THBS4: variants seen among roughly 807,000 people sequenced by gnomAD.
The protein encoded by THBS4 is thrombospondin-4.
A neutral mutation model predicts 115.7 loss-of-function variants in THBS4; 90 were observed. That is an observed-to-expected ratio of 0.78 (90% CI 0.66 to 0.93). THBS4 has a LOEUF of 0.93. THBS4 is among the 40% of genes least tolerant of loss of function. The pLI is 0.00. For missense variants in THBS4, 1,087 were observed against 1,232.7 expected, an observed-to-expected ratio of 0.88 and a Z score of 1.77; for synonymous variants, 460 against 479.3, an observed-to-expected ratio of 0.96 and a Z score of 0.53.
At chr5:80,006,056 T>G (rs1159184959) in intron 2 of THBS4, among the ~76,000 whole-genome samples, 1 of 152,206 alleles carries the variant, frequency 6.6e-6, no homozygotes, top group Non-Finnish European at 1.5e-5. Flanking sequence ...TGAACCACCA[T>G]GCCCGGCCTG....
Position 80,035,487 on chromosome 5 carries a change from G to A in THBS4, c.-51G>A, listed in dbSNP as rs899284472. On this transcript the variant is annotated 5_prime_UTR_variant, in exon 1 of 22. Transcript: ENST00000350881. The surrounding 1 kb of genome is among the most constrained non-coding windows in gnomAD (Gnocchi z 4.6). ...CGCACGGCCCGGGGACCCCCAGGCG[G>A]GGCCAACGCCGCCGTCGCCCCCGGC... is the stretch of plus-strand genomic sequence containing the variant. The A allele has an allele frequency of 4.5e-5, 56 of 1,257,006 alleles. No individual in the cohort carries two copies. In the African/African-American group the frequency reaches 8.0e-4, roughly 18 times the overall value. 77.9% of individuals were successfully genotyped at this position (1,257,006 alleles called of 1,614,324 possible). A position where few individuals can be genotyped will look rare whatever the true frequency, so the allele number is the denominator to read the frequency against.
At chr5:80,004,020 C>G (rs2151151181) in intron 2 of THBS4, among the ~76,000 whole-genome samples, 1 of 152,288 alleles carries the variant, frequency 6.6e-6, no homozygotes, top group East Asian at 1.9e-4. Context: ...CTGCATGATT[C>G]AGGGCCAGAG....
At chr5:80,074,179 C>G (rs182949687) in intron 15 of THBS4, 4 of 152,310 alleles carry the variant, frequency 2.6e-5, no homozygotes, top group African/African-American at 9.6e-5. Context: ...ACCATCATCC[C>G]AAAATAGAAG....
chr5:80,003,157 G>A (rs1831939776), intron 2 of THBS4, among the ~76,000 whole-genome samples: 1 of 152,068 alleles, frequency 6.6e-6, no homozygotes, highest in Non-Finnish European at 1.5e-5. Flanking sequence ...ATATAGGAGA[G>A]GCTTCAGTAA....
chr5:80,059,746 C>T lies in THBS4; in HGVS notation c.828C>T (p.Pro276=), dbSNP rs200566165. 9 of 1,614,184 alleles carry T rather than the reference C, an allele frequency of 5.6e-6. No homozygotes were observed. In the East Asian group the frequency reaches 1.6e-4, roughly 28 times the overall value. Residue 276 remains proline (P), a synonymous_variant, in exon 7 of 22, where the codon CCC becomes CCT. Coordinates refer to ENST00000350881, the MANE Select transcript of THBS4 (RefSeq NM_003248.6). ...FQSPTPSTVV[P]PAPPAPPTRP... is the part of the protein sequence containing the mutation. ...CTCCGACCCCAAGCACGGTGGTGCC[C>T]CCGGCTCCCCCTGCACCGCCAACAC... is the stretch of plus-strand genomic sequence containing the variant.
chr5:80,051,058 G>A (rs1047913417), intron 2 of THBS4, among the ~76,000 whole-genome samples: 1 of 152,090 alleles, frequency 6.6e-6, no homozygotes, highest in Non-Finnish European at 1.5e-5. Flanking sequence ...TTTCCCCTGC[G>A]TTTTGTTCCT....
chr5:79,999,310 T>C (rs913982576), intron 2 of THBS4, among the ~76,000 whole-genome samples: 4 of 152,202 alleles, frequency 2.6e-5, no homozygotes, highest in African/African-American at 9.7e-5. Flanking sequence ...CTGTGAGGAA[T>C]AATTATATCA....
chr5:80,076,293 C>T (rs1433757025), intron 15 of THBS4: 3 of 152,216 alleles, frequency 2.0e-5, no homozygotes, highest in Admixed American at 2.0e-4. Context: ...TAACGGAAAA[C>T]ACTGTAGGGC....
chr5:80,059,522 G>A, intron 6 of THBS4, 31 bp downstream of exon 6: 1 of 1,613,688 alleles, frequency 6.2e-7, no homozygotes, highest in Non-Finnish European at 8.5e-7. Context: ...GGGCTCGCCT[G>A]AGTTGGATGA....
At chr5:79,998,411 G>A (rs60565926) in exon 2 of THBS4, 33,443 of 156,128 alleles carry the variant, frequency 0.21, 3,720 homozygotes, top group Middle Eastern at 0.29. Flanking sequence ...CATGTTTCCT[G>A]TAGAGCCTGT....
intron 19 of THBS4, 121 bp downstream of exon 19, chr5:80,079,379 C>A: frequency 1.8e-6 from 2 of 1,100,294 alleles, no homozygotes; most frequent in Non-Finnish European, 2.5e-6. Context: ...TTTATGCTAA[C>A]GTTAGAGTCA....
At chr5:80,032,308 G>A (rs1033229496), upstream of THBS4, among the ~76,000 whole-genome samples, 2 of 152,162 alleles carry the variant, frequency 1.3e-5, no homozygotes, top group African/African-American at 4.8e-5. Context: ...TGTAAATTCT[G>A]TTAGGCTAAC....
chr5:80,043,571 A>T (rs1832971183), intron 2 of THBS4, among the ~76,000 whole-genome samples: 1 of 152,044 alleles, frequency 6.6e-6, no homozygotes, highest in Non-Finnish European at 1.5e-5. Context: ...AATAAAACAC[A>T]CCCTTCCCTC....
intron 2 of THBS4, among the ~76,000 whole-genome samples, chr5:80,041,428 A>G (rs928601624): frequency 6.6e-6 from 1 of 152,162 alleles, no homozygotes; most frequent in Non-Finnish European, 1.5e-5. Flanking sequence ...CATTCAGCCC[A>G]TGACAGCCAC....
chr5:80,011,535 T>C (rs1832126480), intron 2 of THBS4, among the ~76,000 whole-genome samples: 1 of 152,166 alleles, frequency 6.6e-6, no homozygotes, highest in Non-Finnish European at 1.5e-5. Flanking sequence ...TTGACTGTTG[T>C]AGATCAAAAA....
chr5:80,072,545 C>A, intron 14 of THBS4, 149 bp downstream of exon 14: 1 of 718,624 alleles, frequency 1.4e-6, no homozygotes. Context: ...ACACTGTGGG[C>A]CTGAAGATGG....
chr5:80,039,884 G>A (rs565622595), intron 1 of THBS4, among the ~76,000 whole-genome samples, 193 bp from the exon 2 acceptor site: 1 of 152,280 alleles, frequency 6.6e-6, no homozygotes, highest in East Asian at 1.9e-4. Flanking sequence ...TATTTCTTCT[G>A]GCTCAAATGT....
intron 1 of THBS4, chr5:79,991,445 A>T: frequency 2.1e-6 from 1 of 481,100 alleles, no homozygotes. Flanking sequence ...CAGACCCACC[A>T]GTAATTCTTC....
chr5:80,067,903 CTG>C (rs1248447922), intron 9 of THBS4, 68 bp from the exon 10 acceptor site: 7 of 1,562,150 alleles, frequency 4.5e-6, no homozygotes, highest in Non-Finnish European at 6.1e-6. Context: ...TACACAATAA[CTG>C]TACCTTTGCT....
Sources: allele counts gnomAD v4.1 joint callset (sites outside exome capture counted in the v4.1 genomes callset), GRCh38; gene constraint gnomAD v4.1.1; non-coding constraint Gnocchi (gnomAD v3.1); transcripts MANE v1.5; gene names NCBI Gene and HGNC (gene_info 2026-07-23, HGNC 2026-07-21).